Variants in SETD5 observed in about 807,000 individuals in gnomAD.
SETD5 encodes histone-lysine N-methyltransferase SETD5.
SETD5 carries 44 observed loss-of-function variants against 153.3 expected under a neutral mutation model. The ratio of observed to expected loss-of-function variants is 0.29; its 90% CI spans 0.23 to 0.37. SETD5 has a LOEUF of 0.37. Ranked by LOEUF, SETD5 falls within the 10% of genes least tolerant of loss-of-function variation. SETD5 has a pLI of 1.00. For synonymous variants in SETD5, 716 were observed against 645.2 expected, an observed-to-expected ratio of 1.11 and a Z score of -1.66; for missense variants, 1,544 against 1,768.0, an observed-to-expected ratio of 0.87 and a Z score of 2.27.
chr3:9,462,309 C>G (rs1053832007), intron 17 of SETD5, among the ~76,000 whole-genome samples: 1 of 152,192 alleles, frequency 6.6e-6, no homozygotes, highest in Non-Finnish European at 1.5e-5. Flanking sequence ...TAGATGGAGC[C>G]AGGCGCGGTG....
chr3:9,459,612 TACA>T (rs895717410), intron 17 of SETD5, among the ~76,000 whole-genome samples: 11 of 131,636 alleles, frequency 8.4e-5, no homozygotes, highest in Admixed American at 2.6e-4. Flanking sequence ...CTACTAAAAA[TACA>T]ACAACAACAA....
At chr3:9,442,377 A>T in intron 10 of SETD5, 132 bp downstream of exon 10, 1 of 680,620 alleles carries the variant, frequency 1.5e-6, no homozygotes, top group East Asian at 2.7e-5. Flanking sequence ...TGGGAGGTGA[A>T]AAACAAAAGT....
At chr3:9,435,243 C>CAAAAAA (rs5846637) in intron 6 of SETD5, among the ~76,000 whole-genome samples, 1 of 80,166 alleles carries the variant, frequency 1.2e-5, no homozygotes, top group Non-Finnish European at 2.7e-5. Flanking sequence ...AACTCCCTCT[C>CAAAAAA]AAAAAAAAAA....
At chr3:9,426,096 T>C (rs1051456368) in intron 2 of SETD5, 9 of 152,200 alleles carry the variant, frequency 5.9e-5, no homozygotes, top group African/African-American at 2.2e-4. Flanking sequence ...CAGATTTTAC[T>C]TCAATTTCCC....
Position 9,476,459 on chromosome 3 carries a change from TAA to T in SETD5, c.*386_*387del, listed in dbSNP as rs5846639. ...TGCAGTGAGGACATCTTTTTAAATT[TAA>T]AAAAAAAAAAAAAAAAAGTTTTCAA... On this transcript the variant is annotated 3_prime_UTR_variant, in exon 23 of 23. Coordinates refer to ENST00000402198, the MANE Select transcript of SETD5 (RefSeq NM_001080517.3). 5,387 of 113,544 alleles carry T rather than the reference TAA, an allele frequency of 0.047. 318 individuals are homozygous for T. Among genetic ancestry groups the T allele is most frequent in the African/African-American group, 0.16 (4,720 of 29,914 alleles). The allele number at this position is 113,544 out of a possible 1,614,324, so 7.0% of individuals were successfully genotyped here. A position where few individuals can be genotyped will look rare whatever the true frequency, so the allele number is the denominator to read the frequency against.
At chr3:9,415,885 T>C (rs1293599773) in intron 1 of SETD5, among the ~76,000 whole-genome samples, 1 of 151,776 alleles carries the variant, frequency 6.6e-6, no homozygotes, top group East Asian at 1.9e-4. Context: ...AACTTTTTTT[T>C]TTTTTTAAAG....
At chr3:9,448,172 A>G (rs1431056931) in intron 15 of SETD5, among the ~76,000 whole-genome samples, 166 bp downstream of exon 15, 1 of 152,118 alleles carries the variant, frequency 6.6e-6, no homozygotes, top group Non-Finnish European at 1.5e-5. Context: ...CTGTTTCCTT[A>G]TTTTTAGTCA....
rs373986466 is a variant in SETD5 at position 9,460,246 on chromosome 3, C to T, written c.2477-4179C>T. Among the ~76,000 whole-genome samples, 8 of 149,704 alleles carry T rather than the reference C, an allele frequency of 5.3e-5. No homozygotes were observed. In the South Asian group the frequency reaches 8.4e-4, roughly 16 times the overall value. On this transcript the variant is annotated intron_variant, in intron 17 of 22. Transcript: ENST00000402198. ...CATTTAGATAACAAAGGGAGAGATA[C>T]GTTTTATTCATAGTAGTAAAAAAAA...
chr3:9,436,290 T>TTG (rs748732071), intron 7 of SETD5, among the ~76,000 whole-genome samples: 27 of 152,182 alleles, frequency 1.8e-4, no homozygotes, highest in Non-Finnish European at 3.4e-4. Flanking sequence ...TGTCTTTGGG[T>TTG]TGATTGTTTT....
chr3:9,465,640 C>T (rs2044465628), intron 18 of SETD5, among the ~76,000 whole-genome samples: 1 of 152,170 alleles, frequency 6.6e-6, no homozygotes, highest in Admixed American at 6.5e-5. Flanking sequence ...TTATGAGTAA[C>T]TAAGAGGCAG....
intron 1 of SETD5, among the ~76,000 whole-genome samples, chr3:9,408,218 T>C (rs1278337158): frequency 2.0e-5 from 3 of 152,214 alleles, no homozygotes; most frequent in Non-Finnish European, 4.4e-5. Context: ...TTGATAGAGC[T>C]CTTCTTATTC....
chr3:9,405,872 C>A (rs2035571854), intron 1 of SETD5, among the ~76,000 whole-genome samples: 1 of 152,084 alleles, frequency 6.6e-6, no homozygotes, highest in Admixed American at 6.6e-5. Context: ...GCTTATGTTT[C>A]AAAAATTCTG....
intron 3 of SETD5, chr3:9,431,230 C>G: frequency 1.7e-5 from 17 of 985,384 alleles, no homozygotes; most frequent in Admixed American, 6.1e-5. Context: ...GAATTTCCAA[C>G]TCTACCATAA....
intron 1 of SETD5, among the ~76,000 whole-genome samples, chr3:9,416,565 G>A (rs62246305): frequency 0.12 from 17,714 of 151,414 alleles, 1,415 homozygotes; most frequent in Non-Finnish European, 0.18. Flanking sequence ...ATAACCACAA[G>A]TGTATAATTG....
chr3:9,402,926 G>T (rs939183369), intron 1 of SETD5, among the ~76,000 whole-genome samples: 8 of 152,092 alleles, frequency 5.3e-5, no homozygotes, highest in African/African-American at 1.7e-4. Context: ...GAAGATTTTT[G>T]TTTCAAATTG....
intron 18 of SETD5, among the ~76,000 whole-genome samples, chr3:9,467,526 A>C (rs1364929460): frequency 6.6e-6 from 1 of 152,094 alleles, no homozygotes; most frequent in Non-Finnish European, 1.5e-5. Flanking sequence ...CCCACTGTCC[A>C]TGCCAAGTAA....
rs1198617512 is a variant in SETD5, at chr3:9,464,626, C to T, written c.2678C>T (p.Thr893Ile). Residue 893 changes from threonine (T) to isoleucine (I), a missense_variant, in exon 18 of 23, where the codon ACA becomes ATA. Transcript: ENST00000402198. The stretch of plus-strand genomic sequence containing the variant: ...TACAGCCTCATGTTTTCACCAGTCA[C>T]ATCTCTTACTACTGCTAGTCGCTGC... ...NGYSLMFSPV[T>I]SLTTASRCNT... 1 of 1,614,044 alleles carries T rather than the reference C, an allele frequency of 6.2e-7. No homozygotes were observed. Among genetic ancestry groups the T allele is most frequent in the South Asian group, 1.1e-5 (1 of 91,082 alleles).
intron 1 of SETD5, among the ~76,000 whole-genome samples, chr3:9,420,392 C>G (rs75477939): frequency 0.053 from 8,062 of 151,994 alleles, 330 homozygotes; most frequent in Admixed American, 0.12. Context: ...TTAATATAGA[C>G]TAGGATTTTT....
intron 1 of SETD5, among the ~76,000 whole-genome samples, chr3:9,399,398 C>G (rs572279923): frequency 4.0e-5 from 6 of 151,874 alleles, no homozygotes; most frequent in African/African-American, 1.4e-4. Flanking sequence ...CCCACGTAAT[C>G]AGAGGTTTCT....
Sources: gnomAD v4.1 joint callset for allele counts (sites outside exome capture counted in the v4.1 genomes callset) on GRCh38, gnomAD v4.1.1 for gene constraint, MANE v1.5 for transcripts, NCBI Gene and HGNC (gene_info 2026-07-23, HGNC 2026-07-21) for gene names.